The following DNM3 variants were observed in gnomAD, a reference collection of about 807,000 sequenced individuals.
DNM3 encodes dynamin-3.
Under a neutral mutation model 101.6 loss-of-function variants are expected in DNM3, and 47 were observed. The ratio of observed to expected loss-of-function variants is 0.46; its 90% CI spans 0.37 to 0.59. DNM3 has a LOEUF of 0.59. Ranked by LOEUF, DNM3 falls within the 20% of genes least tolerant of loss-of-function variation. DNM3 has a pLI of 0.00. For synonymous variants in DNM3, 385 were observed against 387.9 expected (o/e 0.99, Z 0.09); for missense variants, 849 against 1,085.7 (o/e 0.78, Z 3.06).
At chr1:172,046,461 C>T (rs900857103) in intron 9 of DNM3, among the ~76,000 whole-genome samples, 7 of 151,666 alleles carry the variant, frequency 4.6e-5, no homozygotes, top group Admixed American at 1.3e-4. Context: ...TGCTAAATGA[C>T]GAGTTAATGG....
chr1:172,077,107 G>A (rs1303120251), intron 11 of DNM3, among the ~76,000 whole-genome samples: 1 of 152,078 alleles, frequency 6.6e-6, no homozygotes, highest in Admixed American at 6.5e-5. Context: ...TTGCATAGAG[G>A]TGTTTATAGT....
intron 14 of DNM3, among the ~76,000 whole-genome samples, chr1:172,179,211 T>C (rs1182677699): frequency 1.3e-5 from 2 of 151,978 alleles, no homozygotes; most frequent in Admixed American, 6.6e-5. Context: ...TTGTGGACTG[T>C]GATCTACATG....
chr1:172,248,439 C>T (rs1011547914), intron 14 of DNM3, among the ~76,000 whole-genome samples: 4 of 152,084 alleles, frequency 2.6e-5, no homozygotes, highest in African/African-American at 9.7e-5. Flanking sequence ...TCTTTACCCT[C>T]AAGGAACTTC....
intron 1 of DNM3, among the ~76,000 whole-genome samples, chr1:171,886,552 C>A (rs1300196808): frequency 6.6e-6 from 1 of 151,960 alleles, no homozygotes; most frequent in Non-Finnish European, 1.5e-5. Flanking sequence ...TTTAAAGAAT[C>A]TATGGCCAAT....
chr1:172,004,467 G>A (rs1038320110), intron 4 of DNM3, among the ~76,000 whole-genome samples: 4 of 152,006 alleles, frequency 2.6e-5, no homozygotes, highest in African/African-American at 4.8e-5. Context: ...GGATAATGGC[G>A]GAACTAAGGG....
chr1:172,387,201 G>C lies in DNM3; in HGVS notation c.2127G>C (p.Met709Ile), dbSNP rs768375311. 6.2e-7 allele frequency: 1 copy of C among 1,613,998 alleles called. No homozygotes were observed. Among genetic ancestry groups the C allele is most frequent in the South Asian group, 1.1e-5 (1 of 91,074 alleles). The change falls in exon 19 of 21, where the codon ATG becomes ATC. Residue 709 changes from methionine (M) to isoleucine (I), a missense_variant. Met to Ile is a conservative substitution (Grantham distance 10). Around this residue, in one of 5 missense-constraint regions of DNM3, gnomAD observed 256 missense variants for 311.7 expected, o/e 0.82. Transcript: ENST00000627582. ...CTTCAGAGGACCAAAATACCCTGAT[G>C]GAGGAATCTGCTGAGCAGGCTCAGC... ...LYSSEDQNTLMEESAEQAQRR... is the reference protein window; with the variant it reads ...LYSSEDQNTLIEESAEQAQRR...
At chr1:172,071,232 A>G (rs2052166070) in intron 11 of DNM3, among the ~76,000 whole-genome samples, 1 of 151,494 alleles carries the variant, frequency 6.6e-6, no homozygotes, top group Admixed American at 6.6e-5. Context: ...ATTGTTTTCA[A>G]TCTGCAACTC....
chr1:172,359,774 T>C (rs1299759102), intron 17 of DNM3, among the ~76,000 whole-genome samples: 1 of 152,068 alleles, frequency 6.6e-6, no homozygotes, highest in Non-Finnish European at 1.5e-5. Flanking sequence ...TTTCACAGTC[T>C]TTCATGGAAA....
At chr1:172,253,508 TCC>T (rs2062267190) in intron 14 of DNM3, 63 bp from the exon 15 acceptor site, 2 of 643,460 alleles carry the variant, frequency 3.1e-6, no homozygotes, top group East Asian at 2.9e-5. Flanking sequence ...TCCTCTCCTC[TCC>T]TCTCCTCTCC....
chr1:172,059,787 A>G (rs2051003663), intron 10 of DNM3, among the ~76,000 whole-genome samples: 2 of 143,134 alleles, frequency 1.4e-5, no homozygotes, highest in Non-Finnish European at 3.0e-5. Context: ...AACTGTCACA[A>G]GACAGGGATG....
At chr1:171,987,512 C>A in intron 2 of DNM3, 144 bp from the exon 3 acceptor site, 1 of 925,678 alleles carries the variant, frequency 1.1e-6, no homozygotes, top group Non-Finnish European at 1.5e-6. Flanking sequence ...AATTGTGATT[C>A]TTAGTAACTA....
chr1:172,151,359 C>G (rs927390413), intron 14 of DNM3, among the ~76,000 whole-genome samples: 3 of 152,118 alleles, frequency 2.0e-5, no homozygotes, highest in African/African-American at 7.2e-5. Context: ...TTTGCAAATG[C>G]AACAAGTTAT....
intron 17 of DNM3, among the ~76,000 whole-genome samples, chr1:172,327,198 T>C (rs1346246267): frequency 6.6e-6 from 1 of 152,194 alleles, no homozygotes; most frequent in Admixed American, 6.5e-5. Flanking sequence ...ACACTTTGTC[T>C]AGTGATTTCC....
chr1:172,356,308 A>C (rs2067451525), intron 17 of DNM3, among the ~76,000 whole-genome samples: 1 of 152,182 alleles, frequency 6.6e-6, no homozygotes, highest in African/African-American at 2.4e-5. Context: ...TATGGTGATT[A>C]AAAGCCATCT....
intron 16 of DNM3, among the ~76,000 whole-genome samples, chr1:172,313,443 G>T (rs1234019860): frequency 6.6e-6 from 1 of 152,112 alleles, no homozygotes; most frequent in Non-Finnish European, 1.5e-5. Context: ...ACAAACAACT[G>T]ACTTTTCTGG....
chr1:172,166,365 AATC>A (rs1442665969), intron 14 of DNM3, among the ~76,000 whole-genome samples: 6 of 152,098 alleles, frequency 3.9e-5, no homozygotes, highest in African/African-American at 4.8e-5. Flanking sequence ...GTATATTTTT[AATC>A]ATCATCACTA....
intron 1 of DNM3, among the ~76,000 whole-genome samples, chr1:171,867,618 C>A (rs2034883232): frequency 1.3e-5 from 2 of 152,142 alleles, no homozygotes; most frequent in Non-Finnish European, 2.9e-5. Flanking sequence ...TCCATACTTC[C>A]TTTGGATCTA....
intron 15 of DNM3, among the ~76,000 whole-genome samples, chr1:172,283,778 A>G (rs60366796): frequency 0.29 from 40,003 of 138,242 alleles, 6,708 homozygotes; most frequent in Middle Eastern, 0.42. Context: ...AAAAAAAAAA[A>G]AAAAAGAAAG....
intron 10 of DNM3, among the ~76,000 whole-genome samples, chr1:172,059,921 C>T (rs1416695632): frequency 6.7e-4 from 86 of 128,262 alleles, no homozygotes; most frequent in Admixed American, 2.1e-3. Context: ...TGTTTGCAGA[C>T]GACATGATTG....
Sources: allele counts gnomAD v4.1 joint callset (sites outside exome capture counted in the v4.1 genomes callset), GRCh38; gene constraint gnomAD v4.1.1; regional missense constraint gnomAD v4.1.1; transcripts MANE v1.5; gene names NCBI Gene and HGNC (gene_info 2026-07-23, HGNC 2026-07-21).